WWOX: variants seen among roughly 807,000 people sequenced by gnomAD.
The protein encoded by WWOX is WW domain-containing oxidoreductase.
In WWOX, 69 loss-of-function variants were observed where a neutral mutation model predicts 46.2. That is an observed-to-expected ratio of 1.49 (90% CI 1.23 to 1.82). The LOEUF (loss-of-function observed/expected upper bound fraction) is 1.82, where lower values mean the gene tolerates loss of function less well. Ranked by LOEUF, WWOX falls within the 40% of genes most tolerant of loss-of-function variation. The pLI is 0.00. For synonymous variants in WWOX, 359 were observed against 202.6 expected (o/e 1.77, Z -6.56); for missense variants, 919 against 542.6 (o/e 1.69, Z -6.89).
At position 78,738,823 on chromosome 16, in the gene WWOX, T is replaced by C. The variant is rs567105230; in HGVS notation, c.1056+306071T>C. Among the ~76,000 whole-genome samples, 11 of 152,298 alleles carry C rather than the reference T, an allele frequency of 7.2e-5. No individual in the cohort carries two copies. The South Asian group carries it at 2.3e-3, about 32-fold the overall frequency. ...CCACAAAGCCACAGTCTCCTAGTCC[T>C]AATATTAAGAGGTAGGAGGTAGATA... On this transcript the variant is annotated intron_variant, in intron 8 of 8. Coordinates refer to ENST00000566780, the MANE Select transcript of WWOX (RefSeq NM_016373.4).
intron 8 of WWOX, among the ~76,000 whole-genome samples, chr16:78,841,973 C>G (rs977033383): frequency 1.3e-5 from 2 of 152,052 alleles, no homozygotes; most frequent in African/African-American, 4.8e-5. Flanking sequence ...GGACACCCAG[C>G]TATTCTCTGG....
intron 8 of WWOX, chr16:78,525,336 C>A (rs146786699): frequency 0.045 from 6,843 of 152,050 alleles, 217 homozygotes; most frequent in East Asian, 0.12. Context: ...CAGGCGCCAG[C>A]CACCACGCCC....
chr16:78,990,345 C>T (rs1567464795), intron 8 of WWOX, among the ~76,000 whole-genome samples: 1 of 152,104 alleles, frequency 6.6e-6, no homozygotes, highest in South Asian at 2.1e-4. Context: ...CCTCCTTGTG[C>T]CTTGAGAAGG....
chr16:79,026,224 C>G (rs889346154), intron 8 of WWOX, among the ~76,000 whole-genome samples: 1 of 151,772 alleles, frequency 6.6e-6, no homozygotes, highest in African/African-American at 2.4e-5. Flanking sequence ...CTTTTCAGCC[C>G]TGTTGACACT....
intron 8 of WWOX, among the ~76,000 whole-genome samples, chr16:78,952,676 A>G (rs1453081668): frequency 6.6e-6 from 1 of 151,840 alleles, no homozygotes; most frequent in Non-Finnish European, 1.5e-5. Context: ...GAGCCACCAC[A>G]CCTGGCCTGT....
At chr16:78,599,863 C>T (rs540688380) in intron 8 of WWOX, among the ~76,000 whole-genome samples, 12 of 152,188 alleles carry the variant, frequency 7.9e-5, no homozygotes, top group African/African-American at 2.4e-4. Flanking sequence ...AGTGAGCTCT[C>T]TAAATGACAG....
intron 8 of WWOX, among the ~76,000 whole-genome samples, chr16:78,811,384 C>G (rs1430990708): frequency 1.3e-5 from 2 of 152,122 alleles, no homozygotes; most frequent in Non-Finnish European, 2.9e-5. Context: ...GAGAAGCTAT[C>G]ACTGTGTACA....
chr16:78,967,458 GGTTT>G (rs1567445417), intron 8 of WWOX, among the ~76,000 whole-genome samples: 1 of 91,444 alleles, frequency 1.1e-5, no homozygotes, highest in African/African-American at 4.3e-5. Flanking sequence ...TAATTTTTGT[GGTTT>G]TTTTTTTTTT....
At chr16:78,801,480 A>T (rs2050887628) in intron 8 of WWOX, among the ~76,000 whole-genome samples, 1 of 152,168 alleles carries the variant, frequency 6.6e-6, no homozygotes, top group African/African-American at 2.4e-5. Flanking sequence ...CCGCACTCCA[A>T]CCTGGGTGAC....
chr16:78,200,523 T>A (rs1341052751), intron 5 of WWOX, among the ~76,000 whole-genome samples: 1 of 150,808 alleles, frequency 6.6e-6, no homozygotes, highest in African/African-American at 2.4e-5. Flanking sequence ...GAGCATCCAT[T>A]ACACCATAAA....
chr16:78,979,671 C>A (rs201640870), intron 8 of WWOX, among the ~76,000 whole-genome samples: 1 of 152,216 alleles, frequency 6.6e-6, no homozygotes, highest in East Asian at 1.9e-4. Flanking sequence ...TGATCAGTAC[C>A]CATCTCTCAG....
rs371137132 is a variant in WWOX, at chr16:78,625,139, T to A, written c.1056+192387T>A. ...TGCCATTCCTAAGCTACTAAAACTTTGCTGGAGAACATCACCAATCACGCT... is the reference window on the plus strand; with the variant it reads ...TGCCATTCCTAAGCTACTAAAACTTAGCTGGAGAACATCACCAATCACGCT... On this transcript the variant is annotated intron_variant, in intron 8 of 8. Transcript: ENST00000566780. Among the ~76,000 whole-genome samples the A allele has an allele frequency of 3.3e-5, 5 of 152,300 alleles. No individual in the cohort carries two copies. The East Asian group carries it at 9.7e-4, about 29-fold the overall frequency.
At chr16:78,619,124 C>A (rs557166232) in intron 8 of WWOX, among the ~76,000 whole-genome samples, 1 of 63,952 alleles carries the variant, frequency 1.6e-5, no homozygotes, top group Non-Finnish European at 2.9e-5. Context: ...GGCAAAACCC[C>A]ATTTCTACTA....
intron 4 of WWOX, among the ~76,000 whole-genome samples, chr16:78,149,362 C>T (rs2034319135): frequency 6.6e-6 from 1 of 152,152 alleles, no homozygotes; most frequent in Non-Finnish European, 1.5e-5. Flanking sequence ...GAAACTTATT[C>T]CTGTGGACTG....
chr16:78,928,824 T>G (rs1174386957), intron 8 of WWOX, among the ~76,000 whole-genome samples: 5 of 152,172 alleles, frequency 3.3e-5, no homozygotes, highest in African/African-American at 1.2e-4. Context: ...AGATATGAAC[T>G]TGAACCCAAG....
chr16:79,141,987 G>A (rs977894969), intron 8 of WWOX, among the ~76,000 whole-genome samples: 2 of 152,344 alleles, frequency 1.3e-5, no homozygotes, highest in East Asian at 3.9e-4. Context: ...TCTACACGGT[G>A]TTCTCCAAAC....
At chr16:78,840,446 C>A (rs145447797) in intron 8 of WWOX, among the ~76,000 whole-genome samples, 2 of 152,312 alleles carry the variant, frequency 1.3e-5, no homozygotes, top group East Asian at 1.9e-4. Context: ...AGCACAGTTA[C>A]AATGAAGAGG....
chr16:78,500,447 C>A (rs750716950), intron 8 of WWOX, among the ~76,000 whole-genome samples: 1 of 150,568 alleles, frequency 6.6e-6, no homozygotes, highest in Non-Finnish European at 1.5e-5. Context: ...ATCTTTGTTC[C>A]GCTTTTGTTT....
chr16:78,997,581 A>G (rs1315275838), intron 8 of WWOX, among the ~76,000 whole-genome samples: 1 of 152,118 alleles, frequency 6.6e-6, no homozygotes, highest in African/African-American at 2.4e-5. Context: ...TACCTATAAA[A>G]TTGACGCTCG....
Sources: allele counts gnomAD v4.1 joint callset (sites outside exome capture counted in the v4.1 genomes callset), GRCh38; gene constraint gnomAD v4.1.1; transcripts MANE v1.5; gene names NCBI Gene and HGNC (gene_info 2026-07-23, HGNC 2026-07-21).